TXLNB: variants seen among roughly 807,000 people sequenced by gnomAD.
The protein encoded by TXLNB is taxilin beta.
TXLNB carries 37 observed loss-of-function variants against 57.4 expected under a neutral mutation model. That is an observed-to-expected ratio of 0.64 (90% CI 0.50 to 0.85). The LOEUF (loss-of-function observed/expected upper bound fraction) is 0.85, where lower values mean the gene tolerates loss of function less well. TXLNB is among the 40% of genes least tolerant of loss of function. The pLI, the probability that TXLNB is intolerant of heterozygous loss-of-function variation, is 0.00. For synonymous variants in TXLNB, 302 were observed against 309.6 expected, an observed-to-expected ratio of 0.98 and a Z score of 0.26; for missense variants, 848 against 825.6, an observed-to-expected ratio of 1.03 and a Z score of -0.33.
the TXLNB span, among the ~76,000 whole-genome samples, chr6:139,298,785 T>G: frequency 7.7e-3 from 1,180 of 152,300 alleles, 12 homozygotes; most frequent in African/African-American, 0.027. Flanking sequence ...TCCCCAGTGT[T>G]GGAGGTGGAG....
chr6:139,223,223 C>T, the TXLNB span, among the ~76,000 whole-genome samples: 13 of 152,040 alleles, frequency 8.6e-5, no homozygotes, highest in East Asian at 1.2e-3. Flanking sequence ...ATGTGAAAGA[C>T]GAAATCACAG....
At chr6:139,277,532 C>T (rs1368618628) in intron 2 of TXLNB, among the ~76,000 whole-genome samples, 1 of 152,122 alleles carries the variant, frequency 6.6e-6, no homozygotes, top group Non-Finnish European at 1.5e-5. Flanking sequence ...TAACTCTGAT[C>T]CTGTTTCCTA....
At chr6:139,253,390 T>C (rs1392354268) in intron 7 of TXLNB, among the ~76,000 whole-genome samples, 4 of 152,212 alleles carry the variant, frequency 2.6e-5, no homozygotes, top group African/African-American at 7.2e-5. Context: ...TTTTAGATAG[T>C]AGCTGCTACC....
At chr6:139,287,270 T>C (rs1777199483) in intron 2 of TXLNB, 4 of 152,274 alleles carry the variant, frequency 2.6e-5, no homozygotes, top group Admixed American at 6.5e-5. Context: ...ACAGCACTAC[T>C]GTTTGTAAGC....
chr6:139,317,915 A>T, the TXLNB span, among the ~76,000 whole-genome samples: 3 of 152,118 alleles, frequency 2.0e-5, no homozygotes, highest in African/African-American at 7.2e-5. Context: ...TTTTTAAAAA[A>T]TTTAAAAAAC....
chr6:139,314,992 G>T, the TXLNB span, among the ~76,000 whole-genome samples: 1 of 152,016 alleles, frequency 6.6e-6, no homozygotes, highest in Admixed American at 6.6e-5. Flanking sequence ...ACAACGTAGG[G>T]GTCATGCAGC....
upstream of TXLNB, among the ~76,000 whole-genome samples, chr6:139,296,283 A>G (rs778970487): frequency 1.3e-5 from 2 of 152,130 alleles, no homozygotes; most frequent in Non-Finnish European, 2.9e-5. Context: ...TACTTACTTG[A>G]TTGATAGTTT....
At chr6:139,278,569 A>T (rs1384272572) in intron 2 of TXLNB, among the ~76,000 whole-genome samples, 2 of 152,198 alleles carry the variant, frequency 1.3e-5, no homozygotes, top group East Asian at 3.8e-4. Context: ...CAGTCCAGGG[A>T]AGGTGCCCAC....
the TXLNB span, among the ~76,000 whole-genome samples, chr6:139,307,905 A>T: frequency 6.6e-6 from 1 of 152,138 alleles, no homozygotes; most frequent in Non-Finnish European, 1.5e-5. Flanking sequence ...TTTGCTCCTG[A>T]TTAATTAAAA....
chr6:139,215,013 G>A, the TXLNB span, among the ~76,000 whole-genome samples: 12 of 151,032 alleles, frequency 7.9e-5, no homozygotes, highest in Middle Eastern at 3.2e-3. Context: ...CCATGCTCAT[G>A]GGTAGGAAGA....
the TXLNB span, among the ~76,000 whole-genome samples, chr6:139,165,487 G>T: frequency 6.6e-6 from 1 of 151,928 alleles, no homozygotes; most frequent in Non-Finnish European, 1.5e-5. Flanking sequence ...AATGTATAAT[G>T]ACGTGTATCT....
the TXLNB span, among the ~76,000 whole-genome samples, chr6:139,190,050 T>C: frequency 6.6e-6 from 1 of 152,214 alleles, no homozygotes; most frequent in Non-Finnish European, 1.5e-5. Context: ...CCTACTTCCT[T>C]GGGGATTCCT....
the TXLNB span, among the ~76,000 whole-genome samples, chr6:139,168,836 C>T: frequency 2.7e-4 from 41 of 152,322 alleles, no homozygotes; most frequent in African/African-American, 9.9e-4. Flanking sequence ...TGCTATTTAG[C>T]TGGCTGTAGT....
At chr6:139,235,052 CTTACAT>C in the TXLNB span, among the ~76,000 whole-genome samples, 6 of 152,234 alleles carry the variant, frequency 3.9e-5, no homozygotes, top group Non-Finnish European at 1.5e-5. Flanking sequence ...TGGATTTAGG[CTTACAT>C]GGAACCTGTA....
rs764604370 is a variant in TXLNB, at chr6:139,242,732, C to G, written c.1849G>C (p.Ala617Pro). ...EAEASGQAPQ[A>P]PTEASLQKME... ...TTCTGTAGGGAGGCCTCGGTGGGAG[C>G]CTGTGGGGCCTGACCGGAAGCTTCT... The change falls in exon 10 of 10, where the codon GCT (alanine) becomes CCT (proline). Residue 617 changes from alanine (A) to proline (P), a missense_variant. Transcript: ENST00000358430. The G allele has an allele frequency of 1.2e-6, 2 of 1,613,552 alleles. No homozygotes were observed. Among genetic ancestry groups the G allele is most frequent in the South Asian group, 2.2e-5 (2 of 91,044 alleles).
At chr6:139,261,364 T>C (rs1776477467) in intron 5 of TXLNB, among the ~76,000 whole-genome samples, 2 of 152,170 alleles carry the variant, frequency 1.3e-5, no homozygotes, top group African/African-American at 2.4e-5. Flanking sequence ...GGCTTACTAT[T>C]AGGAGTTTCT....
the TXLNB span, among the ~76,000 whole-genome samples, chr6:139,163,895 A>G: frequency 1.0e-3 from 157 of 152,136 alleles, no homozygotes; most frequent in Non-Finnish European, 1.1e-3. Context: ...TCACAGCTCT[A>G]GCTCTCTTGA....
At chr6:139,286,341 C>G (rs573962460) in intron 2 of TXLNB, among the ~76,000 whole-genome samples, 9 of 150,224 alleles carry the variant, frequency 6.0e-5, no homozygotes, top group African/African-American at 2.0e-4. Context: ...ATTCCTCTTT[C>G]CCTTGAATTT....
the TXLNB span, among the ~76,000 whole-genome samples, chr6:139,314,670 T>C: frequency 7.3e-6 from 1 of 136,162 alleles, no homozygotes; most frequent in Non-Finnish European, 1.7e-5. Context: ...GAGTTGCCTC[T>C]TTTCCATTGA....
Sources: gnomAD v4.1 joint callset for allele counts (sites outside exome capture counted in the v4.1 genomes callset) on GRCh38, gnomAD v4.1.1 for gene constraint, MANE v1.5 for transcripts, NCBI Gene and HGNC (gene_info 2026-07-23, HGNC 2026-07-21) for gene names.